DYNC1H1: variants seen among roughly 807,000 people sequenced by gnomAD.
DYNC1H1 encodes the protein cytoplasmic dynein 1 heavy chain 1.
In DYNC1H1, 51 loss-of-function variants were observed where a neutral mutation model predicts 527.1. The ratio of observed to expected loss-of-function variants is 0.10; its 90% CI spans 0.08 to 0.12. DYNC1H1 has a LOEUF of 0.12. Among genes scored for constraint, DYNC1H1 ranks in the 10% least tolerant of loss-of-function variants. DYNC1H1 has a pLI of 1.00. For synonymous variants in DYNC1H1, 2,189 were observed against 2,278.8 expected (o/e 0.96, Z 1.12); for missense variants, 2,771 against 5,971.8 (o/e 0.46, Z 17.66).
At chr14:101,967,501 T>G (rs2047681839) in intron 1 of DYNC1H1, among the ~76,000 whole-genome samples, 1 of 152,254 alleles carries the variant, frequency 6.6e-6, no homozygotes, top group African/African-American at 2.4e-5. Context: ...TTTATTTGTT[T>G]GTTTGTTTTA....
At position 102,016,089 on chromosome 14, in the gene DYNC1H1, C is replaced by T. The variant is rs2048318089; in HGVS notation, c.7473+3C>T. 1 of 1,596,256 alleles carries T rather than the reference C, an allele frequency of 6.3e-7. No individual in the cohort carries two copies. Among genetic ancestry groups the T allele is most frequent in the South Asian group, 1.1e-5 (1 of 88,730 alleles). On this transcript the variant is annotated splice_donor_region_variant and intron_variant, in intron 36 of 77. Transcript: ENST00000360184. This position sits in a 1 kb window ranked among gnomAD's most constrained non-coding sequence, Gnocchi z 7.3. ...AGCAGCTGGAGCGCTACATTCAGGT[C>T]AGGGGGCATCAGGGGCTTCACAGAG... is the stretch of plus-strand genomic sequence containing the variant.
chr14:102,007,690 A>G (rs1321293839), intron 28 of DYNC1H1, among the ~76,000 whole-genome samples: 1 of 152,190 alleles, frequency 6.6e-6, no homozygotes, highest in Non-Finnish European at 1.5e-5. Context: ...GCCCAAGGCC[A>G]AGCAGATTGT....
chr14:101,979,198 C>A lies in DYNC1H1; in HGVS notation c.345-121C>A. On this transcript the variant is annotated intron_variant, in intron 2 of 77. Coordinates refer to ENST00000360184, the MANE Select transcript of DYNC1H1 (RefSeq NM_001376.5). The surrounding 1 kb of genome is among the most constrained non-coding windows in gnomAD (Gnocchi z 4.6). The stretch of plus-strand genomic sequence containing the variant: ...GTAGCTCTCATGTACTAAAGAAAGA[C>A]AAGCAGTGCATTTCACTATTAGAAA... 3 of 952,418 alleles carry A rather than the reference C, an allele frequency of 3.1e-6. No homozygotes were observed. The highest frequency in any genetic ancestry group is 4.8e-6 in the Non-Finnish European group (3 of 628,946). 59.0% of individuals were successfully genotyped at this position (952,418 alleles called of 1,614,324 possible).
chr14:102,000,923 G>A, intron 18 of DYNC1H1, 31 bp from the exon 19 acceptor site: 1 of 1,580,478 alleles, frequency 6.3e-7, no homozygotes, highest in Non-Finnish European at 8.7e-7. Flanking sequence ...ATGTTGGCAA[G>A]CTAAATAGCA....
At chr14:102,025,261 C>T (rs896076878) in intron 43 of DYNC1H1, among the ~76,000 whole-genome samples, 1 of 152,060 alleles carries the variant, frequency 6.6e-6, no homozygotes, top group Non-Finnish European at 1.5e-5. Flanking sequence ...AAAAATTAGC[C>T]GGGTGCGGTA....
chr14:101,992,819 C>A (rs964976128), intron 11 of DYNC1H1, among the ~76,000 whole-genome samples: 3 of 152,158 alleles, frequency 2.0e-5, no homozygotes, highest in African/African-American at 7.2e-5. Context: ...CTTCAGAACA[C>A]CGTGCCTCCT....
rs1233082971 is a variant in DYNC1H1, at chr14:101,985,577, G to A, written c.1462-110G>A. 2 of 1,205,160 alleles carry A rather than the reference G, an allele frequency of 1.7e-6. No homozygotes were observed. Among genetic ancestry groups the A allele is most frequent in the East Asian group, 2.4e-5 (1 of 42,064 alleles). 74.7% of individuals were successfully genotyped at this position (1,205,160 alleles called of 1,614,324 possible). On this transcript the variant is annotated intron_variant, in intron 7 of 77. Transcript: ENST00000360184. This position sits in a 1 kb window ranked among gnomAD's most constrained non-coding sequence, Gnocchi z 5.9. ...CTGACCTCATGATCCGCCTGCCTTG[G>A]CCTCCCAAAGTGCTGGGATTACAGG...
At position 101,986,146 on chromosome 14, in the gene DYNC1H1, T is replaced by G; in HGVS notation, c.1921T>G (p.Leu641Val). The G allele has an allele frequency of 1.2e-6, 2 of 1,614,234 alleles. No individual in the cohort carries two copies. The highest frequency in any genetic ancestry group is 1.7e-6 in the Non-Finnish European group (2 of 1,180,044). Residue 641 changes from leucine (L) to valine (V), a missense_variant, in exon 8 of 78, where the codon TTG (leucine) becomes GTG (valine). Leu to Val is a conservative substitution (Grantham distance 32). Around this residue, in one of 32 missense-constraint regions of DYNC1H1, gnomAD observed 264 missense variants for 619.4 expected, o/e 0.43. Transcript: ENST00000360184. This position sits in a 1 kb window ranked among gnomAD's most constrained non-coding sequence, Gnocchi z 8.7. ...TTGTAAGATGAGTCACGTTCGTGAC[T>G]TGCCCCCTGTGTCAGGGTCTATCAT... ...QACKMSHVRD[L>V]PPVSGSIIWA...
intron 56 of DYNC1H1, chr14:102,035,334 GTAC>G (rs2048561660): frequency 6.6e-6 from 1 of 152,280 alleles, no homozygotes; most frequent in Non-Finnish European, 1.5e-5. Flanking sequence ...TAAAGGGGAA[GTAC>G]TACCTGTTTT....
At chr14:102,004,465 A>C in intron 23 of DYNC1H1, 53 bp from the exon 24 acceptor site, 1 of 1,542,156 alleles carries the variant, frequency 6.5e-7, no homozygotes, top group South Asian at 1.2e-5. Flanking sequence ...ACCTTGATTC[A>C]CCTTATATGT....
Position 102,018,275 on chromosome 14 carries a change from C to T in DYNC1H1, c.8178-176C>T, listed in dbSNP as rs374910291. ...TTTCCATCGACTGTTGTGTGTCAGACCCCAAGCCTGAGCAGCGTGTGTGTG... is the reference window on the plus strand; with the variant it reads ...TTTCCATCGACTGTTGTGTGTCAGATCCCAAGCCTGAGCAGCGTGTGTGTG... On this transcript the variant is annotated intron_variant, in intron 40 of 77. Coordinates refer to ENST00000360184, the MANE Select transcript of DYNC1H1 (RefSeq NM_001376.5). This position sits in a 1 kb window ranked among gnomAD's most constrained non-coding sequence, Gnocchi z 5.2. Among the ~76,000 whole-genome samples the T allele has an allele frequency of 6.6e-6, 1 of 152,284 alleles. No individual in the cohort carries two copies. Among genetic ancestry groups the T allele is most frequent in the East Asian group, 1.9e-4 (1 of 5,186 alleles).
chr14:102,006,199 G>T, intron 27 of DYNC1H1, 29 bp downstream of exon 27: 2 of 1,610,390 alleles, frequency 1.2e-6, no homozygotes, highest in Non-Finnish European at 1.7e-6. Context: ...CTGGACAGAT[G>T]GAATCATATA....
Position 102,015,773 on chromosome 14 carries a change from CCTT to C in DYNC1H1, c.7243-80_7243-78del. The C allele has an allele frequency of 6.8e-7, 1 of 1,475,518 alleles. No individual in the cohort carries two copies. Among genetic ancestry groups the C allele is most frequent in the Non-Finnish European group, 9.3e-7 (1 of 1,073,192 alleles). The allele number at this position is 1,475,518 out of a possible 1,614,324, so 91.4% of individuals were successfully genotyped here. ...AAATGAGTTTTCCAAGGTCGTATGACCTTCTCCTGGGACCAGGTTAGAATCGAT... is the reference window on the plus strand; with the variant it reads ...AAATGAGTTTTCCAAGGTCGTATGACCTCCTGGGACCAGGTTAGAATCGAT... On this transcript the variant is annotated intron_variant, in intron 35 of 77. Coordinates refer to ENST00000360184, the MANE Select transcript of DYNC1H1 (RefSeq NM_001376.5). The surrounding 1 kb of genome is among the most constrained non-coding windows in gnomAD (Gnocchi z 6.9).
In DYNC1H1 at chr14:102,000,029, T is replaced by C. The variant is rs1479995920; in HGVS notation, c.3845T>C (p.Ile1282Thr). Residue 1282 changes from isoleucine (I) to threonine (T), a missense_variant, in exon 17 of 78, where the codon ATA (isoleucine) becomes ACA (threonine). Physicochemically the swap from Ile to Thr is moderately conservative, Grantham distance 89. Transcript: ENST00000360184. Reference protein sequence around the residue: ...RPEEALQALTIYEGKFGRLKD... With the variant: ...RPEEALQALTTYEGKFGRLKD... The stretch of plus-strand genomic sequence containing the variant: ...GAAGAGGCACTTCAGGCTCTCACCA[T>C]ATATGAGGGGAAGTTTGGTAGGCTG... 8 of 1,613,982 alleles carry C rather than the reference T, an allele frequency of 5.0e-6. No homozygotes were observed. The highest frequency in any genetic ancestry group is 6.8e-6 in the Non-Finnish European group (8 of 1,180,028).
chr14:102,041,877 C>T lies in DYNC1H1; in HGVS notation c.12103-136C>T. ...AGGAACTCGCTGCAGATTCTCAACT[C>T]CTGGCTGCATGGTGCCCACACCTCT... On this transcript the variant is annotated intron_variant, in intron 65 of 77. Transcript: ENST00000360184. The surrounding 1 kb of genome is among the most constrained non-coding windows in gnomAD (Gnocchi z 4.5). 2.0e-6 allele frequency: 3 copies of T among 1,508,170 alleles called. No individual in the cohort carries two copies. Among genetic ancestry groups the T allele is most frequent in the Non-Finnish European group, 2.7e-6 (3 of 1,101,746 alleles). 93.4% of individuals were successfully genotyped at this position (1,508,170 alleles called of 1,614,324 possible). A position where few individuals can be genotyped will look rare whatever the true frequency, so the allele number is the denominator to read the frequency against.
Position 102,050,938 on chromosome 14 carries a change from C to T in DYNC1H1, c.*375C>T. 1 of 349,788 alleles carries T rather than the reference C, an allele frequency of 2.9e-6. No homozygotes were observed. The highest frequency in any genetic ancestry group is 2.4e-5 in the South Asian group (1 of 42,502). The allele number at this position is 349,788 out of a possible 1,614,324, so 21.7% of individuals were successfully genotyped here. On this transcript the variant is annotated 3_prime_UTR_variant, in exon 78 of 78. Coordinates refer to ENST00000360184, the MANE Select transcript of DYNC1H1 (RefSeq NM_001376.5). ...CTCGCTCCCGAGCGGCCACAGCACT[C>T]ATGAATGAAGACCTTGGGGCCCTTC...
rs769804497 is a variant in DYNC1H1 at position 102,044,565 on chromosome 14, ACAT to A, written c.12903-26_12903-24del. 6.1e-5 allele frequency: 99 copies of A among 1,614,034 alleles called. No individual in the cohort carries two copies. Among genetic ancestry groups the A allele is most frequent in the African/African-American group, 8.0e-5 (6 of 74,934 alleles). ...TGGTGTCACTCAGAGGTGACCCCTG[ACAT>A]CATTTCCAAATGCACTGGTTTTCTA... On this transcript the variant is annotated intron_variant, in intron 71 of 77. Coordinates refer to ENST00000360184, the MANE Select transcript of DYNC1H1 (RefSeq NM_001376.5). This position sits in a 1 kb window ranked among gnomAD's most constrained non-coding sequence, Gnocchi z 7.1.
chr14:102,046,271 C>G (rs193022255), intron 72 of DYNC1H1, among the ~76,000 whole-genome samples: 1 of 152,272 alleles, frequency 6.6e-6, no homozygotes, highest in African/African-American at 2.4e-5. Context: ...CCTCCAAGCA[C>G]TACACGTGGG....
chr14:101,983,357 C>A lies in DYNC1H1; in HGVS notation c.1234-25C>A. The A allele has an allele frequency of 1.2e-6, 2 of 1,613,892 alleles. No individual in the cohort carries two copies. The highest frequency in any genetic ancestry group is 1.7e-6 in the Non-Finnish European group (2 of 1,179,858). Reference sequence around the variant, plus strand: ...GATGAAAATATGTCTTAATAATAAGCCTCACTTTTGAAATTATATCCTAGG... The same window carrying A: ...GATGAAAATATGTCTTAATAATAAGACTCACTTTTGAAATTATATCCTAGG... On this transcript the variant is annotated intron_variant, in intron 6 of 77. Coordinates refer to ENST00000360184, the MANE Select transcript of DYNC1H1 (RefSeq NM_001376.5). This position sits in a 1 kb window ranked among gnomAD's most constrained non-coding sequence, Gnocchi z 5.3.
Sources: allele counts gnomAD v4.1 joint callset (sites outside exome capture counted in the v4.1 genomes callset), GRCh38; gene constraint gnomAD v4.1.1; regional missense constraint gnomAD v4.1.1; non-coding constraint Gnocchi (gnomAD v3.1); transcripts MANE v1.5; gene names NCBI Gene and HGNC (gene_info 2026-07-23, HGNC 2026-07-21).